SSBP4: variants seen among roughly 807,000 people sequenced by gnomAD.
SSBP4 encodes the protein single-stranded DNA-binding protein 4.
A neutral mutation model predicts 64.6 loss-of-function variants in SSBP4; 33 were observed. The observed-to-expected ratio is 0.51, with a 90% confidence interval of 0.39 to 0.68. The LOEUF is 0.68. SSBP4 is among the 30% of genes least tolerant of loss of function. The pLI, the probability that SSBP4 is intolerant of heterozygous loss-of-function variation, is 0.00. For synonymous variants in SSBP4, 243 were observed against 224.0 expected (o/e 1.08, Z -0.76); for missense variants, 583 against 566.8 (o/e 1.03, Z -0.29).
At chr19:18,429,462 G>A (rs1239702790) in intron 4 of SSBP4, among the ~76,000 whole-genome samples, 1 of 123,188 alleles carries the variant, frequency 8.1e-6, no homozygotes, top group African/African-American at 4.1e-5. Flanking sequence ...GCTGCGGGTC[G>A]CAGGGGGCGG....
chr19:18,429,643 C>A (rs1308968587), intron 4 of SSBP4, among the ~76,000 whole-genome samples: 2 of 151,124 alleles, frequency 1.3e-5, no homozygotes, highest in African/African-American at 2.4e-5. Context: ...CTGCTCCAGG[C>A]CATTGTGTTT....
upstream of SSBP4, among the ~76,000 whole-genome samples, chr19:18,417,302 CAT>C (rs1972152883): frequency 6.6e-6 from 1 of 152,232 alleles, no homozygotes; most frequent in African/African-American, 2.4e-5. The surrounding 1 kb of genome is among the most constrained non-coding windows in gnomAD (Gnocchi z 5.4). Context: ...GCGCTCAATA[CAT>C]GTTTAATGGG....
At chr19:18,433,671 C>A (rs779014536) in intron 16 of SSBP4, 39 bp from the exon 17 acceptor site, 5 of 678,652 alleles carry the variant, frequency 7.4e-6, no homozygotes, top group Non-Finnish European at 7.3e-6. Context: ...GGGGAGGGGG[C>A]GGGGCGGGGA....
At chr19:18,428,056 T>TGGGGGGGGGGGGTGGGGGGGG in intron 4 of SSBP4, 74 bp downstream of exon 4, 1 of 444,260 alleles carries the variant, frequency 2.3e-6, no homozygotes, top group Non-Finnish European at 3.7e-6. Context: ...GGAGGTGGGG[T>TGGGGGGGGGGGGTGGGGGGGG]GGGGGGCTGC....
At chr19:18,432,295 T>C in intron 10 of SSBP4, 81 bp downstream of exon 10, 1 of 1,549,142 alleles carries the variant, frequency 6.5e-7, no homozygotes, top group South Asian at 1.1e-5. Flanking sequence ...GGGCAGGTCC[T>C]GAATCCTCAG....
At chr19:18,431,954 G>C (rs772299281) in intron 8 of SSBP4, 46 bp from the exon 9 acceptor site, 13 of 1,555,766 alleles carry the variant, frequency 8.4e-6, no homozygotes, top group Non-Finnish European at 1.1e-5. Flanking sequence ...TGTCCACACT[G>C]GGGAATGGTC....
At chr19:18,421,440 C>T (rs918187821) in intron 1 of SSBP4, among the ~76,000 whole-genome samples, 1 of 152,226 alleles carries the variant, frequency 6.6e-6, no homozygotes, top group Admixed American at 6.5e-5. Flanking sequence ...GAGGCATCCA[C>T]CCACCCAGTG....
chr19:18,432,550 C>T lies in SSBP4; in HGVS notation c.705-9C>T, dbSNP rs779143935. 10 of 1,568,412 alleles carry T rather than the reference C, an allele frequency of 6.4e-6. No individual in the cohort carries two copies. The highest frequency in any genetic ancestry group is 6.9e-6 in the Non-Finnish European group (8 of 1,154,302). On this transcript the variant is annotated splice_polypyrimidine_tract_variant and intron_variant, in intron 10 of 17. Transcript: ENST00000270061. ...AGCCCCAGAGTCTGTCATCCGCGGT[C>T]TCTTCCAGGGGCCCAGGAGTTCGTG...
rs1244694550 is a variant in SSBP4, at chr19:18,427,850, G to T, written c.194+37G>T. On this transcript the variant is annotated intron_variant, in intron 3 of 17. Coordinates refer to ENST00000270061, the MANE Select transcript of SSBP4 (RefSeq NM_032627.5). The surrounding 1 kb of genome is among the most constrained non-coding windows in gnomAD (Gnocchi z 4.4). ...GCTGCTGTGGGTGGGCTGTGGAAGGGGGTTGAGGGAGGCACGTGGAGCAAC... is the reference window on the plus strand; with the variant it reads ...GCTGCTGTGGGTGGGCTGTGGAAGGTGGTTGAGGGAGGCACGTGGAGCAAC... The T allele has an allele frequency of 6.2e-7, 1 of 1,613,714 alleles. No individual in the cohort carries two copies. Among genetic ancestry groups the T allele is most frequent in the African/African-American group, 1.3e-5 (1 of 74,920 alleles).
the SSBP4 span, among the ~76,000 whole-genome samples, chr19:18,406,912 A>G: frequency 2.0e-5 from 3 of 152,150 alleles, no homozygotes; most frequent in African/African-American, 7.2e-5. Context: ...ACCTATACGC[A>G]TTCATTCATC....
intron 1 of SSBP4, among the ~76,000 whole-genome samples, chr19:18,420,963 G>A (rs1216605710): frequency 3.3e-5 from 5 of 152,036 alleles, no homozygotes; most frequent in Non-Finnish European, 7.4e-5. Flanking sequence ...GTGGCCCGTG[G>A]TGTGGAACTG....
At chr19:18,434,086 C>A (rs1050764312) in intron 17 of SSBP4, 131 bp from the exon 18 acceptor site, 1 of 1,293,112 alleles carries the variant, frequency 7.7e-7, no homozygotes. Flanking sequence ...CTCCCCCGTT[C>A]CCTCCTGTCC....
chr19:18,409,984 A>T, the SSBP4 span, among the ~76,000 whole-genome samples: 2 of 151,878 alleles, frequency 1.3e-5, no homozygotes, highest in African/African-American at 4.8e-5. Context: ...GGCGCATGAC[A>T]CCACACCTGG....
At chr19:18,434,029 C>T in intron 17 of SSBP4, 188 bp from the exon 18 acceptor site, 1 of 1,295,598 alleles carries the variant, frequency 7.7e-7, no homozygotes, top group Non-Finnish European at 9.8e-7. Flanking sequence ...CCCATCCGCC[C>T]CCACCCCGGG....
intron 6 of SSBP4, 88 bp downstream of exon 6, chr19:18,431,506 C>T: frequency 7.9e-7 from 1 of 1,272,152 alleles, no homozygotes; most frequent in Non-Finnish European, 1.1e-6. Context: ...GAGGTCCTGG[C>T]TGGTGCCAGC....
intron 1 of SSBP4, chr19:18,425,950 C>T (rs1972825586): frequency 6.6e-6 from 1 of 152,382 alleles, no homozygotes; most frequent in African/African-American, 2.4e-5. Flanking sequence ...ACATGGCCTC[C>T]AGGACAGGGG....
chr19:18,412,722 C>G, the SSBP4 span, among the ~76,000 whole-genome samples: 7 of 152,224 alleles, frequency 4.6e-5, no homozygotes, highest in African/African-American at 1.7e-4. Flanking sequence ...AAATGACAGC[C>G]AGGAGTGGTG....
chr19:18,427,862 G>A lies in SSBP4; in HGVS notation c.195-36G>A. ...GGGCTGTGGAAGGGGGTTGAGGGAGGCACGTGGAGCAACCATCTTCCCCTT... is the reference window on the plus strand; with the variant it reads ...GGGCTGTGGAAGGGGGTTGAGGGAGACACGTGGAGCAACCATCTTCCCCTT... On this transcript the variant is annotated intron_variant, in intron 3 of 17. Transcript: ENST00000270061. The surrounding 1 kb of genome is among the most constrained non-coding windows in gnomAD (Gnocchi z 4.4). The A allele has an allele frequency of 6.2e-7, 1 of 1,613,926 alleles. No homozygotes were observed. Among genetic ancestry groups the A allele is most frequent in the East Asian group, 2.2e-5 (1 of 44,886 alleles).
Position 18,432,188 on chromosome 19 carries a change from C to T in SSBP4, c.678C>T (p.Ala226=), listed in dbSNP as rs375419963. ...TGCGACCCCCACCCAACTCCCTCGC[C>T]GGCCCAGGCCTGCCTGCCATGAACA... is the stretch of plus-strand genomic sequence containing the variant. ...GGMRPPPNSL[A]GPGLPAMNMG... The change falls in exon 10 of 18, where the codon GCC becomes GCT. Residue 226 remains alanine (A), a synonymous_variant. Transcript: ENST00000270061. 51 of 1,613,018 alleles carry T rather than the reference C, an allele frequency of 3.2e-5. No individual in the cohort carries two copies. The highest frequency in any genetic ancestry group is 2.2e-4 in the South Asian group (20 of 91,090).
Sources: gnomAD v4.1 joint callset for allele counts (sites outside exome capture counted in the v4.1 genomes callset) on GRCh38, gnomAD v4.1.1 for gene constraint, Gnocchi (gnomAD v3.1) non-coding constraint, MANE v1.5 for transcripts, NCBI Gene and HGNC (gene_info 2026-07-23, HGNC 2026-07-21) for gene names.